Variants in TECPR2 observed in about 807,000 individuals in gnomAD.
TECPR2 encodes the protein tectonin beta-propeller repeat-containing protein 2.
In TECPR2, 65 loss-of-function variants were observed where a neutral mutation model predicts 138.1. That is an observed-to-expected ratio of 0.47 (90% CI 0.39 to 0.58). TECPR2 has a LOEUF of 0.58. TECPR2 is among the 20% of genes least tolerant of loss of function. The probability of loss-of-function intolerance (pLI) is 0.00; values close to 1 mark genes in which losing one functional copy is unlikely to be tolerated. For missense variants in TECPR2, 1,553 were observed against 1,824.5 expected (o/e 0.85, Z 2.71); for synonymous variants, 746 against 749.8 (o/e 0.99, Z 0.08).
At chr14:102,378,085 T>C (rs1293926595) in intron 2 of TECPR2, among the ~76,000 whole-genome samples, 2 of 152,230 alleles carry the variant, frequency 1.3e-5, no homozygotes, top group Admixed American at 6.5e-5. Context: ...ACCCACTTAG[T>C]CAATATCTGT....
intron 3 of TECPR2, 82 bp from the exon 4 acceptor site, chr14:102,408,406 T>C: frequency 6.8e-7 from 1 of 1,462,330 alleles, no homozygotes; most frequent in Non-Finnish European, 9.2e-7. Context: ...CTAGGAGTGA[T>C]TGTATACCTT....
At chr14:102,403,076 G>C (rs1008318248) in intron 2 of TECPR2, among the ~76,000 whole-genome samples, 3 of 152,104 alleles carry the variant, frequency 2.0e-5, no homozygotes, top group African/African-American at 4.8e-5. Context: ...AACTAGAAAA[G>C]ATAACCACAA....
chr14:102,363,234 TC>T (rs1887231363), intron 1 of TECPR2, 118 bp downstream of exon 1: 1 of 214,718 alleles, frequency 4.7e-6, no homozygotes. Flanking sequence ...CCGCAGGGTC[TC>T]CATGCCCGTC....
In TECPR2 at chr14:102,428,222, G is replaced by GTTTTTTTTTTT. The variant is rs565236204; in HGVS notation, c.952-16_952-6dup. ...ACCGTTGTTTAGTTTTGTGTTTTTT[G>GTTTTTTTTTTT]TTTTTTTTTTTTTTTTTTTTTTGAC... On this transcript the variant is annotated intron_variant, in intron 6 of 19. Transcript: ENST00000359520. 560 of 1,058,456 alleles carry GTTTTTTTTTTT rather than the reference G, an allele frequency of 5.3e-4. 33 individuals carry two copies. Among genetic ancestry groups the GTTTTTTTTTTT allele is most frequent in the South Asian group, 2.8e-3 (143 of 51,610 alleles). 65.6% of individuals were successfully genotyped at this position (1,058,456 alleles called of 1,614,324 possible).
chr14:102,374,549 C>A (rs990212833), intron 1 of TECPR2, among the ~76,000 whole-genome samples: 1 of 152,004 alleles, frequency 6.6e-6, no homozygotes, highest in Non-Finnish European at 1.5e-5. Flanking sequence ...ATCACTTGAG[C>A]CCAGGAGTTG....
At chr14:102,431,574 C>T (rs1173824892) in intron 7 of TECPR2, among the ~76,000 whole-genome samples, 3 of 152,064 alleles carry the variant, frequency 2.0e-5, no homozygotes, top group East Asian at 1.9e-4. Flanking sequence ...GATCTCCTGA[C>T]CTTGTGATCC....
Position 102,498,389 on chromosome 14 carries a change from T to C in TECPR2, c.*132T>C. The C allele has an allele frequency of 8.8e-7, 1 of 1,137,772 alleles. No homozygotes were observed. The highest frequency in any genetic ancestry group is 1.2e-6 in the Non-Finnish European group (1 of 826,168). The allele number at this position is 1,137,772 out of a possible 1,614,324, so 70.5% of individuals were successfully genotyped here. ...CTCTGGCCAGGTTGGACCCGCACAC[T>C]TACTTTCATCTATGTTGGTTTCTGT... On this transcript the variant is annotated 3_prime_UTR_variant, in exon 20 of 20. Coordinates refer to ENST00000359520, the MANE Select transcript of TECPR2 (RefSeq NM_014844.5).
At chr14:102,434,193 A>G (rs557233018) in intron 8 of TECPR2, 42 bp from the exon 9 acceptor site, 6 of 1,343,934 alleles carry the variant, frequency 4.5e-6, no homozygotes, top group Non-Finnish European at 5.8e-6. Context: ...TACTAATCAT[A>G]TAGAACCGTG....
At chr14:102,483,182 C>T (rs1567360391) in intron 17 of TECPR2, among the ~76,000 whole-genome samples, 2 of 152,164 alleles carry the variant, frequency 1.3e-5, no homozygotes, top group East Asian at 3.9e-4. Context: ...ATCCTTGATA[C>T]TTGACCTGTT....
At chr14:102,385,292 A>G (rs1481230327) in intron 2 of TECPR2, among the ~76,000 whole-genome samples, 1 of 152,098 alleles carries the variant, frequency 6.6e-6, no homozygotes, top group Non-Finnish European at 1.5e-5. Flanking sequence ...ACCCATGAGG[A>G]GGGCATTAAT....
chr14:102,467,675 C>A (rs1418079775), intron 17 of TECPR2, among the ~76,000 whole-genome samples: 1 of 152,028 alleles, frequency 6.6e-6, no homozygotes, highest in South Asian at 2.1e-4. Context: ...GAAACTGCCT[C>A]ATATGTCTAA....
chr14:102,465,316 C>T, intron 17 of TECPR2, 27 bp downstream of exon 17: 1 of 1,611,046 alleles, frequency 6.2e-7, no homozygotes, highest in Non-Finnish European at 8.5e-7. Flanking sequence ...TGGTGGAACT[C>T]ACTCTTCAGT....
At chr14:102,495,267 A>T (rs1891249816) in intron 17 of TECPR2, among the ~76,000 whole-genome samples, 1 of 151,834 alleles carries the variant, frequency 6.6e-6, no homozygotes, top group African/African-American at 2.4e-5. Context: ...TGGGGGCAGG[A>T]GGGAGGGGGT....
chr14:102,377,632 G>C (rs1887675012), intron 2 of TECPR2, among the ~76,000 whole-genome samples: 2 of 152,146 alleles, frequency 1.3e-5, no homozygotes, highest in East Asian at 3.9e-4. Flanking sequence ...CTTGAACCTG[G>C]GAGATGGAGG....
At position 102,444,608 on chromosome 14, in the gene TECPR2, T is replaced by C. The variant is rs553664023; in HGVS notation, c.2933+781T>C. ...ACTAGTATGGAAGTATTAATAGTCC[T>C]TTGAAAAACTAGATTAGGATATTCT... On this transcript the variant is annotated intron_variant, in intron 12 of 19. Transcript: ENST00000359520. Among the ~76,000 whole-genome samples, 4 of 152,298 alleles carry C rather than the reference T, an allele frequency of 2.6e-5. No individual in the cohort carries two copies. The East Asian group carries it at 7.7e-4, about 29-fold the overall frequency.
chr14:102,408,416 T>A, intron 3 of TECPR2, 72 bp from the exon 4 acceptor site: 3 of 1,509,076 alleles, frequency 2.0e-6, no homozygotes, highest in Non-Finnish European at 2.7e-6. Context: ...TTGTATACCT[T>A]TTCCATGTAG....
At chr14:102,487,585 A>G (rs964593098) in intron 17 of TECPR2, among the ~76,000 whole-genome samples, 1 of 151,884 alleles carries the variant, frequency 6.6e-6, no homozygotes, top group African/African-American at 2.4e-5. Flanking sequence ...TCTCTCCCCC[A>G]AGCTGGAGTG....
intron 17 of TECPR2, chr14:102,465,538 ATAT>A (rs1890535570): frequency 8.3e-7 from 1 of 1,203,242 alleles, no homozygotes; most frequent in Non-Finnish European, 1.0e-6. Flanking sequence ...CAAAATAATA[ATAT>A]TTCGTTTTTG....
chr14:102,413,241 TG>T (rs1250817233), intron 4 of TECPR2, among the ~76,000 whole-genome samples: 2 of 152,132 alleles, frequency 1.3e-5, no homozygotes, highest in Non-Finnish European at 2.9e-5. Context: ...CCAACAAATC[TG>T]ATCACTGCCC....
Sources: gnomAD v4.1 joint callset for allele counts (sites outside exome capture counted in the v4.1 genomes callset) on GRCh38, gnomAD v4.1.1 for gene constraint, MANE v1.5 for transcripts, NCBI Gene and HGNC (gene_info 2026-07-23, HGNC 2026-07-21) for gene names.